The following FGF14 variants were observed in gnomAD, a reference collection of about 807,000 sequenced individuals.
FGF14 encodes fibroblast growth factor 14.
Under a neutral mutation model 25.5 loss-of-function variants are expected in FGF14, and 5 were observed. The ratio of observed to expected loss-of-function variants is 0.20; its 90% CI spans 0.10 to 0.41. The LOEUF (loss-of-function observed/expected upper bound fraction) is 0.41, where lower values mean the gene tolerates loss of function less well. Among genes scored for constraint, FGF14 ranks in the 10% least tolerant of loss-of-function variants. The pLI is 1.00. For synonymous variants in FGF14, 138 were observed against 118.3 expected (o/e 1.17, Z -1.08); for missense variants, 222 against 320.1 (o/e 0.69, Z 2.34).
chr13:102,278,566 A>G (rs561028643), intron 1 of FGF14, among the ~76,000 whole-genome samples: 6 of 152,012 alleles, frequency 3.9e-5, no homozygotes, highest in Non-Finnish European at 7.4e-5. Context: ...AGGCTTTTAG[A>G]TGTGTGACCC....
At chr13:101,830,520 G>A (rs1389746576) in intron 3 of FGF14, among the ~76,000 whole-genome samples, 1 of 152,046 alleles carries the variant, frequency 6.6e-6, no homozygotes, top group Non-Finnish European at 1.5e-5. Context: ...AAATTAACGT[G>A]AGGTTGAGAA....
At chr13:102,153,030 T>C (rs1007590464) in intron 1 of FGF14, among the ~76,000 whole-genome samples, 29 of 152,212 alleles carry the variant, frequency 1.9e-4, no homozygotes, top group African/African-American at 6.8e-4. Flanking sequence ...TGCTGGGAGC[T>C]GCAAGGCTGC....
chr13:101,774,447 T>C (rs1566884598), intron 3 of FGF14, among the ~76,000 whole-genome samples: 1 of 152,138 alleles, frequency 6.6e-6, no homozygotes, highest in Non-Finnish European at 1.5e-5. Context: ...AATGAACTAA[T>C]CTTGAACCAA....
chr13:102,014,785 A>G (rs1020523004), intron 1 of FGF14, among the ~76,000 whole-genome samples: 1 of 152,198 alleles, frequency 6.6e-6, no homozygotes, highest in South Asian at 2.1e-4. Context: ...ATTTTTTTAT[A>G]TTAATCGCCA....
intron 1 of FGF14, among the ~76,000 whole-genome samples, chr13:102,079,611 C>T (rs527481384): frequency 1.1e-4 from 17 of 152,126 alleles, no homozygotes; most frequent in South Asian, 2.1e-4. Context: ...GTCTTTTATG[C>T]GCCATGTACC....
At chr13:102,036,174 A>C (rs2041463242) in intron 1 of FGF14, among the ~76,000 whole-genome samples, 1 of 152,096 alleles carries the variant, frequency 6.6e-6, no homozygotes, top group African/African-American at 2.4e-5. Flanking sequence ...CCTGAAAACC[A>C]CTGGGCTAAA....
rs999171200 is a variant in FGF14 at position 102,400,405 on chromosome 13, G to A, written c.208+1066C>T. Reference sequence around the variant, plus strand: ...CCCTCTCCACCCTGAACGGAGCTAGGGGACGCCACACACTCCCGGCTGCCA... The same window carrying A: ...CCCTCTCCACCCTGAACGGAGCTAGAGGACGCCACACACTCCCGGCTGCCA... On this transcript the variant is annotated intron_variant, in intron 1 of 4. Coordinates refer to the FGF14 transcript ENST00000376131. The surrounding 1 kb of genome is among the most constrained non-coding windows in gnomAD (Gnocchi z 4.3). 3.1e-4 allele frequency among the ~76,000 whole-genome samples: 47 copies of A among 152,268 alleles called. No individual in the cohort carries two copies. Among genetic ancestry groups the A allele is most frequent in the Admixed American group, 1.0e-3 (16 of 15,308 alleles).
chr13:102,079,686 T>C (rs1377651949), intron 1 of FGF14, among the ~76,000 whole-genome samples: 1 of 152,192 alleles, frequency 6.6e-6, no homozygotes, highest in Non-Finnish European at 1.5e-5. Context: ...GAGCTCGTTC[T>C]TCAGGGAGGA....
At chr13:102,301,826 TCACACACACACACACACACACA>T (rs3066038) in intron 1 of FGF14, among the ~76,000 whole-genome samples, 1 of 139,978 alleles carries the variant, frequency 7.1e-6, no homozygotes, top group South Asian at 2.5e-4. Flanking sequence ...TTCCTGTACT[TCACACACACACACACACACACA>T]CACACACACA....
At chr13:101,778,216 A>G (rs1287448226) in intron 3 of FGF14, among the ~76,000 whole-genome samples, 1 of 152,210 alleles carries the variant, frequency 6.6e-6, no homozygotes, top group African/African-American at 2.4e-5. Flanking sequence ...TTAGTGCTCA[A>G]TACAGTTCAA....
chr13:101,925,958 C>T (rs536256619), intron 1 of FGF14, among the ~76,000 whole-genome samples: 1 of 152,290 alleles, frequency 6.6e-6, no homozygotes, highest in African/African-American at 2.4e-5. Flanking sequence ...CCATGTCTTG[C>T]ATCTTGCTTC....
Position 101,953,570 on chromosome 13 carries a change from GTA to G in FGF14, c.209-78276_209-78275del, listed in dbSNP as rs1555326942. Among the ~76,000 whole-genome samples, 303 of 138,034 alleles carry G rather than the reference GTA, an allele frequency of 2.2e-3. 1 individual carries two copies. Among genetic ancestry groups the G allele is most frequent in the African/African-American group, 5.5e-3 (215 of 39,376 alleles). The allele number at this position is 138,034 out of a possible 152,430, so 90.6% of individuals were successfully genotyped here. ...TGTGTATATATATATGTGTGTGTGT[GTA>G]TATATATATATATATAATTTTTATT... On this transcript the variant is annotated intron_variant, in intron 1 of 4. Coordinates refer to the FGF14 transcript ENST00000376131.
chr13:101,718,991 G>A lies in FGF14; in HGVS notation c.*3840C>T, dbSNP rs931331854. ...CCTGCATTTTGGAAAAAAAAATTGA[G>A]GATTTAGCCCAGTCGCTTTCCCTTG... On this transcript the variant is annotated 3_prime_UTR_variant, in exon 5 of 5. Coordinates refer to ENST00000376143, the MANE Select transcript of FGF14 (RefSeq NM_004115.4). 10 of 151,898 alleles carry A rather than the reference G, an allele frequency of 6.6e-5. No homozygotes were observed. The highest frequency in any genetic ancestry group is 2.4e-4 in the African/African-American group (10 of 41,360). 9.4% of individuals were successfully genotyped at this position (151,898 alleles called of 1,614,324 possible). A position where few individuals can be genotyped will look rare whatever the true frequency, so the allele number is the denominator to read the frequency against.
At chr13:102,001,220 A>G (rs1482345101) in intron 1 of FGF14, among the ~76,000 whole-genome samples, 1 of 152,252 alleles carries the variant, frequency 6.6e-6, no homozygotes, top group Non-Finnish European at 1.5e-5. Context: ...TTTAAGAACA[A>G]TTCTGGGAAA....
chr13:102,022,352 C>T (rs2040703417), intron 1 of FGF14, among the ~76,000 whole-genome samples: 1 of 152,024 alleles, frequency 6.6e-6, no homozygotes, highest in South Asian at 2.1e-4. Context: ...ATTTCCTAAT[C>T]ACAGGCCTTG....
Position 102,175,935 on chromosome 13 carries a change from G to T in FGF14, c.208+225536C>A, listed in dbSNP as rs2048429170. Among the ~76,000 whole-genome samples the T allele has an allele frequency of 1.3e-5, 2 of 152,084 alleles. 1 individual carries two copies. The highest frequency in any genetic ancestry group is 4.1e-4 in the South Asian group (2 of 4,828). ...AAAAATAATAGATGTTGGCGAGGAT[G>T]TGGAGAAAAGGAAATGCTTATACAT... On this transcript the variant is annotated intron_variant, in intron 1 of 4. Transcript: ENST00000376131.
In FGF14 at chr13:101,968,704, A is replaced by G. The variant is rs570685697; in HGVS notation, c.209-93408T>C. Among the ~76,000 whole-genome samples, 48 of 151,124 alleles carry G rather than the reference A, an allele frequency of 3.2e-4. No homozygotes were observed. The East Asian group carries it at 9.2e-3, about 29-fold the overall frequency. On this transcript the variant is annotated intron_variant, in intron 1 of 4. Coordinates refer to the FGF14 transcript ENST00000376131. ...AAAAAAAAAAAACCTCAATATCAAT[A>G]TTTCCTGTATTTTATACTTAAGAAT...
Position 101,711,099 on chromosome 13 carries a change from T to C in FGF14, c.*11732A>G, listed in dbSNP as rs1476577417. 1 of 152,186 alleles carries C rather than the reference T, an allele frequency of 6.6e-6. No individual in the cohort carries two copies. Among genetic ancestry groups the C allele is most frequent in the Non-Finnish European group, 1.5e-5 (1 of 68,030 alleles). 9.4% of individuals were successfully genotyped at this position (152,186 alleles called of 1,614,324 possible). On this transcript the variant is annotated 3_prime_UTR_variant, in exon 5 of 5. Coordinates refer to ENST00000376143, the MANE Select transcript of FGF14 (RefSeq NM_004115.4). The stretch of plus-strand genomic sequence containing the variant: ...GAGATGAGGTTAGTGCAGTGCCGGG[T>C]CTTCCCTAAGCTTAGCTACCTTTGC...
intron 3 of FGF14, among the ~76,000 whole-genome samples, chr13:101,864,142 C>G (rs761575197): frequency 3.9e-5 from 6 of 152,002 alleles, no homozygotes; most frequent in Non-Finnish European, 7.4e-5. Context: ...ACATATTTAT[C>G]CTGTATGGAT....
Sources: allele counts gnomAD v4.1 joint callset (sites outside exome capture counted in the v4.1 genomes callset), GRCh38; gene constraint gnomAD v4.1.1; non-coding constraint Gnocchi (gnomAD v3.1); transcripts MANE v1.5; gene names NCBI Gene and HGNC (gene_info 2026-07-23, HGNC 2026-07-21).